Variants in STPG4 observed in about 807,000 individuals in gnomAD.
The protein encoded by STPG4 is sperm-tail PG-rich repeat containing 4.
Under a neutral mutation model 31.5 loss-of-function variants are expected in STPG4, and 41 were observed. The observed-to-expected ratio is 1.30, with a 90% CI of 1.01 to 1.69. The LOEUF is 1.69. STPG4 is among the 40% of genes most tolerant of loss of function. The pLI, the probability that STPG4 is intolerant of heterozygous loss-of-function variation, is 0.00. For synonymous variants in STPG4, 141 were observed against 103.0 expected (o/e 1.37, Z -2.24); for missense variants, 375 against 293.4 (o/e 1.28, Z -2.03).
At chr2:47,131,552 A>T (rs746103774) in intron 3 of STPG4, among the ~76,000 whole-genome samples, 5 of 152,242 alleles carry the variant, frequency 3.3e-5, no homozygotes, top group Non-Finnish European at 7.3e-5. Context: ...GTCCCTGACC[A>T]GCAGGAGTGA....
At chr2:47,151,614 G>C (rs905367925) in intron 2 of STPG4, 99 bp from the exon 3 acceptor site, 1 of 943,024 alleles carries the variant, frequency 1.1e-6, no homozygotes, top group South Asian at 1.6e-5. Flanking sequence ...ATCTCTCTTT[G>C]TTTTCAAGTT....
chr2:47,118,441 A>G lies in STPG4; in HGVS notation c.519+11500T>C, dbSNP rs186517590. ...CTGATTCTACATTATGGTGAGTTGTATAATTATTTCATTATATATTACAAT... is the reference window on the plus strand; with the variant it reads ...CTGATTCTACATTATGGTGAGTTGTGTAATTATTTCATTATATATTACAAT... On this transcript the variant is annotated intron_variant, in intron 5 of 6. Coordinates refer to ENST00000445927, the MANE Select transcript of STPG4 (RefSeq NM_001163561.2). 7.2e-3 allele frequency among the ~76,000 whole-genome samples: 1,092 copies of G among 152,352 alleles called. 8 individuals carry two copies. Among genetic ancestry groups the G allele is most frequent in the African/African-American group, 0.025 (1,055 of 41,584 alleles).
At position 47,105,784 on chromosome 2, in the gene STPG4, A is replaced by T. The variant is rs535994613; in HGVS notation, c.520-15410T>A. Among the ~76,000 whole-genome samples the T allele has an allele frequency of 1.9e-3, 293 of 152,186 alleles. 3 individuals are homozygous for T. Among genetic ancestry groups the T allele is most frequent in the Middle Eastern group, 3.4e-3 (1 of 294 alleles). On this transcript the variant is annotated intron_variant, in intron 5 of 6. Coordinates refer to ENST00000445927, the MANE Select transcript of STPG4 (RefSeq NM_001163561.2). The stretch of plus-strand genomic sequence containing the variant: ...CTGAGCCTTAAAACTGGGAAAGGGA[A>T]AAAGAATAAATGTGTATACAGATAG...
At chr2:47,110,089 C>G (rs894535842) in intron 5 of STPG4, among the ~76,000 whole-genome samples, 3 of 152,120 alleles carry the variant, frequency 2.0e-5, no homozygotes, top group African/African-American at 7.2e-5. Context: ...ATGTGTGTGT[C>G]TCATTTTTTC....
chr2:47,109,902 G>A (rs762917825), intron 5 of STPG4, among the ~76,000 whole-genome samples: 13 of 152,092 alleles, frequency 8.5e-5, no homozygotes, highest in Admixed American at 7.2e-4. Context: ...TGATACTTTC[G>A]AACTTTTAAA....
chr2:47,149,359 C>T (rs565673594), intron 3 of STPG4, among the ~76,000 whole-genome samples: 6 of 152,058 alleles, frequency 3.9e-5, no homozygotes, highest in Admixed American at 2.0e-4. Flanking sequence ...CTTGTAAAAG[C>T]GAGAAGAGAG....
chr2:47,143,886 T>C (rs1311529753), intron 3 of STPG4, among the ~76,000 whole-genome samples: 2 of 152,212 alleles, frequency 1.3e-5, no homozygotes, highest in Non-Finnish European at 2.9e-5. Context: ...AGCCAGTTAG[T>C]GATCAGCACT....
At chr2:47,095,366 G>A (rs1055390106) in intron 5 of STPG4, among the ~76,000 whole-genome samples, 4 of 152,118 alleles carry the variant, frequency 2.6e-5, no homozygotes, top group African/African-American at 7.2e-5. Flanking sequence ...GAAAACAAAG[G>A]CATGGAACTC....
intron 5 of STPG4, among the ~76,000 whole-genome samples, chr2:47,112,409 G>T (rs1177802417): frequency 6.6e-6 from 1 of 151,880 alleles, no homozygotes; most frequent in Non-Finnish European, 1.5e-5. Flanking sequence ...GACCTCAAGT[G>T]ATCTGCCCAC....
At chr2:47,146,691 G>C (rs1462807089) in intron 3 of STPG4, among the ~76,000 whole-genome samples, 1 of 152,180 alleles carries the variant, frequency 6.6e-6, no homozygotes, top group Non-Finnish European at 1.5e-5. Context: ...GACTGGATGA[G>C]ATCACCATTC....
chr2:47,108,274 C>T (rs560316359), intron 5 of STPG4: 1 of 151,778 alleles, frequency 6.6e-6, no homozygotes, highest in South Asian at 2.1e-4. Context: ...GCAGTGGCAA[C>T]CCACTCGAGT....
intron 5 of STPG4, among the ~76,000 whole-genome samples, chr2:47,095,636 A>C (rs1685655324): frequency 6.6e-6 from 1 of 152,164 alleles, no homozygotes; most frequent in Non-Finnish European, 1.5e-5. Flanking sequence ...GCCAATATAC[A>C]TTGTTCCAGG....
intron 5 of STPG4, among the ~76,000 whole-genome samples, chr2:47,125,868 T>G (rs1318751988): frequency 1.3e-5 from 2 of 152,142 alleles, no homozygotes; most frequent in Non-Finnish European, 2.9e-5. Flanking sequence ...CAGATTTAAG[T>G]CTTTAATCCA....
At chr2:47,110,875 C>T (rs1686019913) in intron 5 of STPG4, among the ~76,000 whole-genome samples, 1 of 152,104 alleles carries the variant, frequency 6.6e-6, no homozygotes, top group Admixed American at 6.5e-5. Flanking sequence ...TGGGTGGATA[C>T]ATAATATTCT....
intron 5 of STPG4, among the ~76,000 whole-genome samples, chr2:47,099,725 T>C (rs1284728222): frequency 2.0e-5 from 3 of 151,898 alleles, no homozygotes; most frequent in Non-Finnish European, 4.4e-5. Context: ...TGCAGAGAGG[T>C]GTGGAGGGAG....
chr2:47,102,883 C>A (rs1685829460), intron 5 of STPG4, among the ~76,000 whole-genome samples: 2 of 151,662 alleles, frequency 1.3e-5, no homozygotes, highest in African/African-American at 4.9e-5. Flanking sequence ...GTACATAGAT[C>A]CTATGTACCT....
At position 47,118,329 on chromosome 2, in the gene STPG4, G is replaced by T. The variant is rs561462744; in HGVS notation, c.519+11612C>A. Among the ~76,000 whole-genome samples the T allele has an allele frequency of 3.5e-4, 54 of 152,278 alleles. No homozygotes were observed. The East Asian group carries it at 5.8e-3, about 16-fold the overall frequency. On this transcript the variant is annotated intron_variant, in intron 5 of 6. Transcript: ENST00000445927. ...GATCTAGGTTGTGCACTCCTTATGA[G>T]AATCTAATGCCTGATGATCTGTCAC...
intron 5 of STPG4, among the ~76,000 whole-genome samples, chr2:47,099,946 G>T (rs374076686): frequency 6.6e-6 from 1 of 152,156 alleles, no homozygotes; most frequent in Non-Finnish European, 1.5e-5. Flanking sequence ...TCAGTTTCTC[G>T]CTGGGTCTTA....
intron 2 of STPG4, among the ~76,000 whole-genome samples, 182 bp downstream of exon 2, chr2:47,152,775 A>G (rs996956148): frequency 6.6e-6 from 1 of 152,256 alleles, no homozygotes; most frequent in African/African-American, 2.4e-5. Flanking sequence ...TGCATTCAAA[A>G]TTAAAAGTTA....
Sources: gnomAD v4.1 joint callset for allele counts (sites outside exome capture counted in the v4.1 genomes callset) on GRCh38, gnomAD v4.1.1 for gene constraint, MANE v1.5 for transcripts, NCBI Gene and HGNC (gene_info 2026-07-23, HGNC 2026-07-21) for gene names.